Variants in WLS observed in about 807,000 individuals in gnomAD.
The protein encoded by WLS is Wnt ligand secretion mediator.
A neutral mutation model predicts 62.8 loss-of-function variants in WLS; 23 were observed. The ratio of observed to expected loss-of-function variants is 0.37; its 90% CI spans 0.26 to 0.52. The LOEUF (loss-of-function observed/expected upper bound fraction) is 0.52. WLS is among the 20% of genes least tolerant of loss of function. WLS has a pLI of 0.92. For synonymous variants in WLS, 246 were observed against 244.1 expected, an observed-to-expected ratio of 1.01 and a Z score of -0.07; for missense variants, 615 against 697.3, an observed-to-expected ratio of 0.88 and a Z score of 1.33.
rs770671491 is a variant in WLS, at chr1:68,181,682, C to T, written c.379+12273G>A. Among the ~76,000 whole-genome samples, 8 of 152,156 alleles carry T rather than the reference C, an allele frequency of 5.3e-5. No homozygotes were observed. In the East Asian group the frequency reaches 7.7e-4, roughly 15 times the overall value. ...ACCTATCTACACCACTGATGTACAA[C>T]GAGGAGATCCTGCCCTGGCTCCAGC... On this transcript the variant is annotated intron_variant, in intron 2 of 11. Coordinates refer to ENST00000262348, the MANE Select transcript of WLS (RefSeq NM_024911.7).
rs775662852 is a variant in WLS at position 68,159,124 on chromosome 1, T to A, written c.503A>T (p.Lys168Met). The A allele has an allele frequency of 6.2e-7, 1 of 1,613,906 alleles. No individual in the cohort carries two copies. The highest frequency in any genetic ancestry group is 8.5e-7 in the Non-Finnish European group (1 of 1,179,932). ...RKLKCTFTSP[K>M]TPEHEGRYYE... ...AGCTTAGACAGCAAGGGGTCATACC[T>A]TGGGAGATGTGAAGGTGCATTTGAG... Residue 168 changes from lysine to methionine, a missense_variant and splice_region_variant, in exon 3 of 12, where the codon AAG (lysine) becomes ATG (methionine). Lys to Met is a moderately conservative substitution (Grantham distance 95, BLOSUM62 -1). Transcript: ENST00000262348.
chr1:68,149,043 G>C (rs1224139211), intron 6 of WLS, among the ~76,000 whole-genome samples: 2 of 152,184 alleles, frequency 1.3e-5, no homozygotes, highest in East Asian at 3.8e-4. Flanking sequence ...ATCCTCAGAA[G>C]ACAAAGTAAA....
chr1:68,150,123 G>A lies in WLS; in HGVS notation c.972+65C>T, dbSNP rs572765929. On this transcript the variant is annotated intron_variant, in intron 6 of 11. Transcript: ENST00000262348. ...GCTGACTAGAGGCAAAGGGGGGCAG[G>A]TGTCAGCTTGGCAGCCTGCACAGAG... is the stretch of plus-strand genomic sequence containing the variant. The A allele has an allele frequency of 7.1e-6, 11 of 1,541,942 alleles. No individual in the cohort carries two copies. In the African/African-American group the frequency reaches 9.6e-5, roughly 13 times the overall value.
chr1:68,227,490 T>A lies in WLS; in HGVS notation c.106+4704A>T, dbSNP rs889662174. On this transcript the variant is annotated intron_variant, in intron 1 of 11. Coordinates refer to ENST00000262348, the MANE Select transcript of WLS (RefSeq NM_024911.7). ...CAAGAACCAAATAGTTAAGTTTTTT[T>A]TAAGTCAAATATTGTAATTTCAATT... 6.7e-4 allele frequency among the ~76,000 whole-genome samples: 102 copies of A among 151,668 alleles called. 1 individual carries two copies. The highest frequency in any genetic ancestry group is 3.4e-3 in the Middle Eastern group (1 of 294).
chr1:68,106,129 C>A (rs1646139762), intron 11 of WLS, among the ~76,000 whole-genome samples: 2 of 152,106 alleles, frequency 1.3e-5, no homozygotes, highest in Non-Finnish European at 2.9e-5. Flanking sequence ...AAACAACTAA[C>A]AGTAACTCCC....
chr1:68,176,355 C>T (rs1647257880), intron 2 of WLS: 3 of 152,224 alleles, frequency 2.0e-5, no homozygotes, highest in Admixed American at 6.5e-5. Flanking sequence ...CAGCCCTAAC[C>T]CAGCTTGATG....
intron 2 of WLS, among the ~76,000 whole-genome samples, chr1:68,160,405 A>G (rs913147119): frequency 4.6e-5 from 7 of 152,184 alleles, no homozygotes; most frequent in African/African-American, 1.7e-4. Flanking sequence ...TGAGTTTTCA[A>G]TTAAACTTTG....
chr1:68,134,123 G>A (rs960685356), intron 11 of WLS, among the ~76,000 whole-genome samples: 2 of 152,200 alleles, frequency 1.3e-5, no homozygotes, highest in Admixed American at 1.3e-4. Context: ...AGAATGTAAA[G>A]ACACATGTAT....
intron 11 of WLS, among the ~76,000 whole-genome samples, chr1:68,115,014 C>A (rs987103353): frequency 2.0e-5 from 3 of 151,698 alleles, no homozygotes; most frequent in African/African-American, 7.3e-5. Context: ...GGCCTGGGAT[C>A]TTCTCATAAT....
exon 12 of WLS, chr1:68,098,700 G>A (rs1445902600): frequency 1.2e-6 from 2 of 1,613,802 alleles, no homozygotes; most frequent in African/African-American, 1.3e-5. Context: ...TCTTGATAAA[G>A]TTCCGAAACA....
intron 11 of WLS, chr1:68,127,026 A>C (rs545041768): frequency 7.3e-6 from 2 of 272,508 alleles, no homozygotes; most frequent in African/African-American, 4.7e-5. Flanking sequence ...CCCTGACTCT[A>C]AAAAAAAAAT....
intron 2 of WLS, chr1:68,162,846 G>T: frequency 7.4e-7 from 1 of 1,356,902 alleles, no homozygotes; most frequent in Non-Finnish European, 1.1e-6. Flanking sequence ...TGATGGTGTG[G>T]TACATCATGG....
chr1:68,106,541 A>G (rs546541502), intron 11 of WLS, among the ~76,000 whole-genome samples: 70 of 152,314 alleles, frequency 4.6e-4, no homozygotes, highest in African/African-American at 1.7e-3. Context: ...GAGGCAAAAC[A>G]ATCAAAATTC....
At chr1:68,138,752 T>G (rs1646647255) in intron 10 of WLS, among the ~76,000 whole-genome samples, 1 of 152,240 alleles carries the variant, frequency 6.6e-6, no homozygotes, top group Non-Finnish European at 1.5e-5. Flanking sequence ...GTGCCAGCTC[T>G]GAGACAAATG....
At chr1:68,218,204 C>A (rs956636803) in intron 1 of WLS, among the ~76,000 whole-genome samples, 3 of 152,042 alleles carry the variant, frequency 2.0e-5, no homozygotes, top group Non-Finnish European at 4.4e-5. Flanking sequence ...AAGAATAAAA[C>A]ATTAACATAG....
intron 11 of WLS, among the ~76,000 whole-genome samples, chr1:68,119,749 T>C (rs140798497): frequency 6.6e-6 from 1 of 152,372 alleles, no homozygotes; most frequent in African/African-American, 2.4e-5. Context: ...TCCCAGAGTC[T>C]GCTTTTAGGA....
At chr1:68,150,469 C>A in intron 5 of WLS, 113 bp from the exon 6 acceptor site, 1 of 1,396,866 alleles carries the variant, frequency 7.2e-7, no homozygotes, top group Non-Finnish European at 9.8e-7. Context: ...GGGTCTGAAG[C>A]CATATGATCA....
intron 1 of WLS, among the ~76,000 whole-genome samples, chr1:68,226,797 G>A (rs1041268239): frequency 6.6e-6 from 1 of 152,100 alleles, no homozygotes; most frequent in African/African-American, 2.4e-5. Context: ...GAGTTTTAAG[G>A]ACCTTTATAT....
rs898148716 is a variant in WLS, at chr1:68,175,864, C to T, written c.380-16617G>A. ...TTCAACAATGGTAACACCCCTAACC[C>T]GGAAAATACATTTGTGCTGCCAGCA... On this transcript the variant is annotated intron_variant, in intron 2 of 11. Coordinates refer to ENST00000262348, the MANE Select transcript of WLS (RefSeq NM_024911.7). Among the ~76,000 whole-genome samples the T allele has an allele frequency of 3.9e-5, 6 of 152,160 alleles. No homozygotes were observed. The East Asian group carries it at 5.8e-4, about 15-fold the overall frequency.
Sources: gnomAD v4.1 joint callset for allele counts (sites outside exome capture counted in the v4.1 genomes callset) on GRCh38, gnomAD v4.1.1 for gene constraint, MANE v1.5 for transcripts, NCBI Gene and HGNC (gene_info 2026-07-23, HGNC 2026-07-21) for gene names.